The following TMEM108 variants were observed in gnomAD, a reference collection of about 807,000 sequenced individuals.
The protein encoded by TMEM108 is transmembrane protein 108, also known as cancer/testis antigen 124.
TMEM108 carries 12 observed loss-of-function variants against 35.1 expected under a neutral mutation model. The ratio of observed to expected loss-of-function variants is 0.34; its 90% CI spans 0.22 to 0.55. TMEM108 has a LOEUF of 0.55. TMEM108 is among the 20% of genes least tolerant of loss of function. The probability of loss-of-function intolerance (pLI) is 0.89; values close to 1 mark genes in which losing one functional copy is unlikely to be tolerated. For synonymous variants in TMEM108, 287 were observed against 308.6 expected, an observed-to-expected ratio of 0.93 and a Z score of 0.73; for missense variants, 680 against 753.3, an observed-to-expected ratio of 0.90 and a Z score of 1.14.
At chr3:133,353,530 T>G (rs1047015254) in intron 3 of TMEM108, among the ~76,000 whole-genome samples, 4 of 152,188 alleles carry the variant, frequency 2.6e-5, no homozygotes, top group African/African-American at 4.8e-5. Flanking sequence ...TGACAAGGAC[T>G]GCTGTATCTG....
At chr3:133,241,391 T>A (rs1946310512) in intron 3 of TMEM108, among the ~76,000 whole-genome samples, 1 of 152,194 alleles carries the variant, frequency 6.6e-6, no homozygotes, top group South Asian at 2.1e-4. Context: ...TCTTTGCTCC[T>A]CCCCTCAGAA....
At chr3:133,281,140 T>G (rs1415798053) in intron 3 of TMEM108, among the ~76,000 whole-genome samples, 1 of 151,922 alleles carries the variant, frequency 6.6e-6, no homozygotes, top group Non-Finnish European at 1.5e-5. Flanking sequence ...TCTACCAGAG[T>G]CAAACACAAC....
At position 133,380,799 on chromosome 3, in the gene TMEM108, C is replaced by G; in HGVS notation, c.1088C>G (p.Ala363Gly). The G allele has an allele frequency of 6.2e-7, 1 of 1,614,170 alleles. No homozygotes were observed. The highest frequency in any genetic ancestry group is 8.5e-7 in the Non-Finnish European group (1 of 1,180,022). Residue 363 changes from alanine to glycine, a missense_variant, in exon 4 of 6, where the codon GCC becomes GGC. By Grantham distance (60) the Ala-to-Gly change is moderately conservative. Around this residue, in one of 3 missense-constraint regions of TMEM108, gnomAD observed 526 missense variants for 532.1 expected, o/e 0.99. Transcript: ENST00000321871. This position sits in a 1 kb window ranked among gnomAD's most constrained non-coding sequence, Gnocchi z 5.3. Reference sequence around the variant, plus strand: ...GCTGCCACGGGGCCCACCCCAGCTGCCTTCGATACCAGTGTCTCAGCCCCT... The same window carrying G: ...GCTGCCACGGGGCCCACCCCAGCTGGCTTCGATACCAGTGTCTCAGCCCCT... ...FTAATGPTPA[A>G]FDTSVSAPSQ...
At chr3:133,201,111 T>G (rs573800811) in intron 2 of TMEM108, among the ~76,000 whole-genome samples, 1 of 152,288 alleles carries the variant, frequency 6.6e-6, no homozygotes, top group Middle Eastern at 3.4e-3. Flanking sequence ...CACATGAAAT[T>G]TCTGCCTTCC....
intron 3 of TMEM108, among the ~76,000 whole-genome samples, chr3:133,289,649 G>A (rs915301191): frequency 5.3e-5 from 8 of 152,210 alleles, no homozygotes; most frequent in Admixed American, 6.5e-5. Context: ...TTGAAAAGTA[G>A]TGTAGTGCCC....
chr3:133,102,247 T>G (rs1271158610), intron 2 of TMEM108, among the ~76,000 whole-genome samples: 1 of 152,182 alleles, frequency 6.6e-6, no homozygotes, highest in African/African-American at 2.4e-5. Flanking sequence ...AGCGCATCTT[T>G]CAGAAGGAGT....
intron 3 of TMEM108, among the ~76,000 whole-genome samples, chr3:133,320,644 C>T (rs1255208581): frequency 6.6e-6 from 1 of 152,088 alleles, no homozygotes; most frequent in Non-Finnish European, 1.5e-5. Context: ...GAAATCTAGA[C>T]ATCCAAATAC....
chr3:133,181,008 T>TAACAAAA (rs1945330185), intron 2 of TMEM108, among the ~76,000 whole-genome samples: 1 of 75,866 alleles, frequency 1.3e-5, no homozygotes. Context: ...GCAGTTGTGT[T>TAACAAAA]AAAAAAAAAA....
chr3:133,286,170 A>G (rs967195864), intron 3 of TMEM108, among the ~76,000 whole-genome samples: 2 of 152,194 alleles, frequency 1.3e-5, no homozygotes, highest in Admixed American at 6.5e-5. Flanking sequence ...GAACCCCATA[A>G]ATTTTCAATA....
intron 3 of TMEM108, among the ~76,000 whole-genome samples, chr3:133,319,930 C>T (rs924618922): frequency 1.3e-5 from 2 of 152,126 alleles, no homozygotes; most frequent in Non-Finnish European, 1.5e-5. Context: ...AAATAGTCTA[C>T]CCAGATGAGA....
At chr3:133,148,635 G>A (rs1479352033) in intron 2 of TMEM108, among the ~76,000 whole-genome samples, 3 of 151,964 alleles carry the variant, frequency 2.0e-5, no homozygotes, top group South Asian at 2.1e-4. Context: ...CTTAAATTAC[G>A]TTCTTGATAG....
At chr3:133,251,158 A>G (rs777099297) in intron 3 of TMEM108, among the ~76,000 whole-genome samples, 1 of 152,220 alleles carries the variant, frequency 6.6e-6, no homozygotes, top group Non-Finnish European at 1.5e-5. Context: ...AAAGATAAGC[A>G]TTAGTTTCAT....
chr3:133,069,682 T>C (rs998400671), intron 2 of TMEM108, among the ~76,000 whole-genome samples: 1 of 152,172 alleles, frequency 6.6e-6, no homozygotes, highest in Non-Finnish European at 1.5e-5. Flanking sequence ...CCATTCTGGC[T>C]TCTGGCTTCC....
intron 3 of TMEM108, among the ~76,000 whole-genome samples, chr3:133,294,396 G>A (rs1191630428): frequency 2.0e-5 from 3 of 152,186 alleles, no homozygotes; most frequent in Non-Finnish European, 4.4e-5. Context: ...AGAAAACTAT[G>A]AGAATACAAA....
chr3:133,199,914 C>A (rs1576377336), intron 2 of TMEM108, among the ~76,000 whole-genome samples: 1 of 152,164 alleles, frequency 6.6e-6, no homozygotes, highest in Admixed American at 6.5e-5. Flanking sequence ...GTGGATTCCA[C>A]CCAGTTCGAG....
At chr3:133,307,975 A>T (rs1037754451) in intron 3 of TMEM108, among the ~76,000 whole-genome samples, 3 of 152,038 alleles carry the variant, frequency 2.0e-5, no homozygotes, top group African/African-American at 7.3e-5. Flanking sequence ...CACGATATTG[A>T]TTCTTCCTGT....
chr3:133,292,502 A>T (rs1947084941), intron 3 of TMEM108, among the ~76,000 whole-genome samples: 1 of 152,130 alleles, frequency 6.6e-6, no homozygotes, highest in South Asian at 2.1e-4. Context: ...ACTGATTGTC[A>T]TCATAAGAGA....
intron 3 of TMEM108, among the ~76,000 whole-genome samples, chr3:133,350,255 A>G (rs1161115387): frequency 6.6e-6 from 1 of 152,154 alleles, no homozygotes; most frequent in Non-Finnish European, 1.5e-5. Context: ...AGCAAAGAGT[A>G]GAACAGTGAT....
At chr3:133,205,501 G>A (rs1945739782) in intron 2 of TMEM108, among the ~76,000 whole-genome samples, 1 of 152,062 alleles carries the variant, frequency 6.6e-6, no homozygotes, top group Non-Finnish European at 1.5e-5. Flanking sequence ...CAGGCCTGGT[G>A]GTGACAAAAT....
Sources: allele counts gnomAD v4.1 joint callset (sites outside exome capture counted in the v4.1 genomes callset), GRCh38; gene constraint gnomAD v4.1.1; regional missense constraint gnomAD v4.1.1; non-coding constraint Gnocchi (gnomAD v3.1); transcripts MANE v1.5; gene names NCBI Gene and HGNC (gene_info 2026-07-23, HGNC 2026-07-21).